The following TGFBRAP1 variants were observed in gnomAD, a reference collection of about 807,000 sequenced individuals.
TGFBRAP1 encodes transforming growth factor-beta receptor-associated protein 1.
A neutral mutation model predicts 83.2 loss-of-function variants in TGFBRAP1; 20 were observed. That is an observed-to-expected ratio of 0.24 (90% confidence interval 0.17 to 0.35). The LOEUF is 0.35. Ranked by LOEUF, TGFBRAP1 falls within the 10% of genes least tolerant of loss-of-function variation. The pLI is 1.00. For synonymous variants in TGFBRAP1, 415 were observed against 459.8 expected (o/e 0.90, Z 1.25); for missense variants, 950 against 1,099.4 (o/e 0.86, Z 1.92).
chr2:105,312,302 T>A (rs915865965), intron 1 of TGFBRAP1, among the ~76,000 whole-genome samples: 10 of 151,936 alleles, frequency 6.6e-5, no homozygotes, highest in East Asian at 3.9e-4. Context: ...TCTCTATTTT[T>A]AAAAAAAATA....
At chr2:105,310,013 T>G (rs1449665798) in intron 1 of TGFBRAP1, among the ~76,000 whole-genome samples, 1 of 152,194 alleles carries the variant, frequency 6.6e-6, no homozygotes. Context: ...GCCTTAATCT[T>G]GGACTTCCCA....
chr2:105,294,590 C>G (rs1182982581), intron 4 of TGFBRAP1, among the ~76,000 whole-genome samples: 1 of 152,050 alleles, frequency 6.6e-6, no homozygotes, highest in Non-Finnish European at 1.5e-5. Context: ...TGGGTGAACT[C>G]GAGATAATTC....
chr2:105,304,060 G>GTA (rs1056136591), intron 2 of TGFBRAP1, among the ~76,000 whole-genome samples: 2 of 152,098 alleles, frequency 1.3e-5, no homozygotes, highest in East Asian at 3.8e-4. Flanking sequence ...AAACATAAGT[G>GTA]TATATATATA....
intron 1 of TGFBRAP1, among the ~76,000 whole-genome samples, chr2:105,314,462 G>A (rs1678789285): frequency 6.6e-6 from 1 of 151,416 alleles, no homozygotes; most frequent in Non-Finnish European, 1.5e-5. Flanking sequence ...GTGTTAGCCA[G>A]GATGGTCTCG....
At chr2:105,273,729 A>T (rs759407884) in intron 8 of TGFBRAP1, 39 bp from the exon 9 acceptor site, 1 of 1,599,606 alleles carries the variant, frequency 6.3e-7, no homozygotes, top group Admixed American at 1.7e-5. Context: ...GTGCTTCCCA[A>T]ACCCACCTTT....
At chr2:105,275,096 C>T (rs772775601) in intron 8 of TGFBRAP1, among the ~76,000 whole-genome samples, 27 of 152,154 alleles carry the variant, frequency 1.8e-4, no homozygotes, top group Non-Finnish European at 3.4e-4. Context: ...GGCCCACAAG[C>T]TCCATGTTGG....
intron 4 of TGFBRAP1, 117 bp downstream of exon 4, chr2:105,296,239 T>G: frequency 8.0e-7 from 1 of 1,247,934 alleles, no homozygotes; most frequent in Non-Finnish European, 1.1e-6. Context: ...AAACAACAGA[T>G]ATAAAAGCAG....
intron 2 of TGFBRAP1, among the ~76,000 whole-genome samples, chr2:105,299,715 T>G (rs1269589408): frequency 2.0e-5 from 3 of 151,992 alleles, no homozygotes; most frequent in African/African-American, 7.3e-5. Context: ...GGCAACATAG[T>G]GAGACCCCAC....
At chr2:105,274,139 T>C (rs534027536) in intron 8 of TGFBRAP1, among the ~76,000 whole-genome samples, 3 of 152,336 alleles carry the variant, frequency 2.0e-5, no homozygotes, top group Non-Finnish European at 4.4e-5. Flanking sequence ...AACTCACTTC[T>C]CTGAACATGG....
At chr2:105,287,109 C>T (rs1415310740) in intron 4 of TGFBRAP1, among the ~76,000 whole-genome samples, 1 of 151,950 alleles carries the variant, frequency 6.6e-6, no homozygotes, top group East Asian at 2.0e-4. Context: ...AAGACAAATA[C>T]TGTATGATTC....
chr2:105,275,998 T>C (rs1677330302), intron 7 of TGFBRAP1, among the ~76,000 whole-genome samples: 2 of 152,152 alleles, frequency 1.3e-5, no homozygotes, highest in South Asian at 2.1e-4. Context: ...GAGGTGAATA[T>C]ATTAAAAATG....
the TGFBRAP1 span, among the ~76,000 whole-genome samples, chr2:105,252,479 T>A: frequency 6.6e-6 from 1 of 152,162 alleles, no homozygotes; most frequent in Non-Finnish European, 1.5e-5. Flanking sequence ...CCGGAATGCA[T>A]TCCCTTCAGA....
chr2:105,276,386 G>A (rs966108869), intron 7 of TGFBRAP1, among the ~76,000 whole-genome samples: 9 of 152,112 alleles, frequency 5.9e-5, no homozygotes, highest in African/African-American at 2.2e-4. Flanking sequence ...TGCATGGCGT[G>A]CCTCACCCAC....
intron 5 of TGFBRAP1, among the ~76,000 whole-genome samples, chr2:105,282,398 G>A (rs192624041): frequency 3.9e-5 from 6 of 152,322 alleles, no homozygotes; most frequent in East Asian, 1.9e-4. Flanking sequence ...TGTGGCCTCC[G>A]GCACGGCACT....
At chr2:105,250,682 C>T in the TGFBRAP1 span, among the ~76,000 whole-genome samples, 1 of 151,594 alleles carries the variant, frequency 6.6e-6, no homozygotes, top group Non-Finnish European at 1.5e-5. Context: ...CCTCTCTTTC[C>T]ACGGTCTCCC....
chr2:105,249,977 G>T, the TGFBRAP1 span, among the ~76,000 whole-genome samples: 1 of 152,230 alleles, frequency 6.6e-6, no homozygotes, highest in East Asian at 1.9e-4. Flanking sequence ...GCACAGGTGT[G>T]TGCATTATTA....
intron 4 of TGFBRAP1, among the ~76,000 whole-genome samples, chr2:105,287,721 G>C (rs1677767003): frequency 6.6e-6 from 1 of 152,114 alleles, no homozygotes; most frequent in South Asian, 2.1e-4. Context: ...GTCTCTTCAG[G>C]CTGAGTCTGT....
chr2:105,303,871 T>C (rs1051755958), intron 2 of TGFBRAP1, among the ~76,000 whole-genome samples: 19 of 152,214 alleles, frequency 1.2e-4, no homozygotes, highest in Non-Finnish European at 2.5e-4. Flanking sequence ...AAAATCCAGA[T>C]TGTGGGACAC....
intron 7 of TGFBRAP1, among the ~76,000 whole-genome samples, chr2:105,276,131 C>T (rs1677334146): frequency 6.6e-6 from 1 of 152,200 alleles, no homozygotes; most frequent in South Asian, 2.1e-4. Flanking sequence ...ATTTTGAAGT[C>T]CCCTTTGGAC....
Sources: allele counts gnomAD v4.1 joint callset (sites outside exome capture counted in the v4.1 genomes callset), GRCh38; gene constraint gnomAD v4.1.1; transcripts MANE v1.5; gene names NCBI Gene and HGNC (gene_info 2026-07-23, HGNC 2026-07-21).